The following CNOT2 variants were observed in gnomAD, a reference collection of about 807,000 sequenced individuals.
CNOT2 encodes the protein CCR4-NOT transcription complex subunit 2, also known as CC chemokine receptor 4-negative regulator of transcription 2.
Under a neutral mutation model 72.1 loss-of-function variants are expected in CNOT2, and 7 were observed. The ratio of observed to expected loss-of-function variants is 0.10; its 90% CI spans 0.06 to 0.18. The LOEUF (loss-of-function observed/expected upper bound fraction) is 0.18, where lower values mean the gene tolerates loss of function less well. Among genes scored for constraint, CNOT2 ranks in the 10% least tolerant of loss-of-function variants. The probability of loss-of-function intolerance (pLI) is 1.00; values close to 1 mark genes in which losing one functional copy is unlikely to be tolerated. For missense variants in CNOT2, 345 were observed against 660.3 expected (o/e 0.52, Z 5.23); for synonymous variants, 196 against 225.6 (o/e 0.87, Z 1.17).
At chr12:70,350,195 G>A (rs1882702293) in intron 15 of CNOT2, among the ~76,000 whole-genome samples, 3 of 152,016 alleles carry the variant, frequency 2.0e-5, no homozygotes, top group Non-Finnish European at 2.9e-5. Flanking sequence ...TTCTTCCACA[G>A]TTAATTTTTA....
chr12:70,286,946 A>C (rs1871002865), intron 2 of CNOT2, among the ~76,000 whole-genome samples: 1 of 152,066 alleles, frequency 6.6e-6, no homozygotes, highest in Non-Finnish European at 1.5e-5. Flanking sequence ...AAATTAAAAA[A>C]AAATTTTTAG....
intron 1 of CNOT2, among the ~76,000 whole-genome samples, chr12:70,256,271 T>A (rs970746927): frequency 3.3e-5 from 5 of 152,188 alleles, no homozygotes; most frequent in African/African-American, 1.2e-4. Context: ...AGTTTCAGAT[T>A]TATCAATTGG....
intron 1 of CNOT2, among the ~76,000 whole-genome samples, chr12:70,265,480 C>T (rs1021841638): frequency 6.6e-6 from 1 of 151,750 alleles, no homozygotes; most frequent in Non-Finnish European, 1.5e-5. Flanking sequence ...CTTTTAATGC[C>T]TGTGGGTTCT....
intron 2 of CNOT2, among the ~76,000 whole-genome samples, chr12:70,301,516 G>T (rs1873972012): frequency 6.6e-6 from 1 of 152,044 alleles, no homozygotes. Flanking sequence ...TTATATGCTG[G>T]ACTACGTTTA....
intron 4 of CNOT2, chr12:70,322,457 G>A (rs937062542): frequency 6.6e-6 from 1 of 151,746 alleles, no homozygotes; most frequent in African/African-American, 2.4e-5. Flanking sequence ...GTTACCAACA[G>A]GATCTAGGAC....
intron 2 of CNOT2, among the ~76,000 whole-genome samples, chr12:70,295,405 C>T (rs1312745024): frequency 6.6e-6 from 1 of 152,126 alleles, no homozygotes; most frequent in Non-Finnish European, 1.5e-5. Context: ...ATAAACACAT[C>T]TCCCTCAGCA....
intron 6 of CNOT2, 40 bp downstream of exon 6, chr12:70,330,509 G>C (rs377498955): frequency 5.6e-5 from 79 of 1,423,244 alleles, no homozygotes; most frequent in Non-Finnish European, 7.4e-5. Context: ...TGTCTTTCTG[G>C]GTATACTCAG....
chr12:70,292,897 T>C (rs922228713), intron 2 of CNOT2, among the ~76,000 whole-genome samples: 1 of 152,210 alleles, frequency 6.6e-6, no homozygotes, highest in Non-Finnish European at 1.5e-5. Context: ...CTTCCCTTGC[T>C]AAAGGAATAC....
At chr12:70,304,470 C>CTGG (rs1874816354) in intron 2 of CNOT2, among the ~76,000 whole-genome samples, 1 of 152,220 alleles carries the variant, frequency 6.6e-6, no homozygotes, top group African/African-American at 2.4e-5. Flanking sequence ...AGGTCCACTC[C>CTGG]AGACCCTGTT....
chr12:70,277,999 T>A (rs1869144940), intron 1 of CNOT2, 133 bp from the exon 2 acceptor site: 1 of 406,804 alleles, frequency 2.5e-6, no homozygotes, highest in African/African-American at 2.1e-5. Context: ...CGAAAATGGT[T>A]ACGAGGAAGA....
At chr12:70,314,453 G>T (rs537849202) in intron 3 of CNOT2, among the ~76,000 whole-genome samples, 38 of 152,136 alleles carry the variant, frequency 2.5e-4, no homozygotes, top group African/African-American at 8.7e-4. Flanking sequence ...AGTGACTGCT[G>T]TAATTAAGAC....
intron 2 of CNOT2, among the ~76,000 whole-genome samples, chr12:70,297,125 TAA>T (rs1872945877): frequency 6.6e-6 from 1 of 152,238 alleles, no homozygotes; most frequent in African/African-American, 2.4e-5. Context: ...GATTTTATAT[TAA>T]GTTTCTGCCT....
intron 1 of CNOT2, among the ~76,000 whole-genome samples, chr12:70,255,535 A>C (rs947159133): frequency 6.6e-6 from 1 of 152,164 alleles, no homozygotes; most frequent in Non-Finnish European, 1.5e-5. Context: ...CAAAGCAAGG[A>C]AAGTGAATCA....
chr12:70,303,437 G>C (rs140092379), intron 2 of CNOT2, among the ~76,000 whole-genome samples: 9,212 of 152,186 alleles, frequency 0.061, 428 homozygotes, highest in East Asian at 0.15. Context: ...CTCAGCATTT[G>C]CTTGTCTGTA....
rs544561471 is a variant in CNOT2, at chr12:70,317,701, A to G, written c.172-1597A>G. 2.1e-5 allele frequency among the ~76,000 whole-genome samples: 3 copies of G among 145,902 alleles called. No homozygotes were observed. In the East Asian group the frequency reaches 6.0e-4, roughly 29 times the overall value. On this transcript the variant is annotated intron_variant, in intron 3 of 15. Coordinates refer to ENST00000229195, the MANE Select transcript of CNOT2 (RefSeq NM_014515.7). ...TTAGAGTGGTGTATAACTCAGCCCT[A>G]CCTCAAGAGTTACTGATGTGTACCA...
chr12:70,293,807 A>AG (rs1872356611), intron 2 of CNOT2, among the ~76,000 whole-genome samples: 1 of 151,136 alleles, frequency 6.6e-6, no homozygotes, highest in African/African-American at 2.4e-5. Context: ...CAAGGAGTGG[A>AG]TAGGCACAAA....
intron 8 of CNOT2, chr12:70,336,096 A>G (rs993125996): frequency 2.0e-5 from 3 of 152,448 alleles, no homozygotes; most frequent in African/African-American, 4.8e-5. Flanking sequence ...GGCCTACAAG[A>G]TGCTAGTAGC....
intron 1 of CNOT2, among the ~76,000 whole-genome samples, chr12:70,274,184 G>T (rs1421542188): frequency 6.6e-6 from 1 of 152,102 alleles, no homozygotes; most frequent in Non-Finnish European, 1.5e-5. Flanking sequence ...CATCAACTCA[G>T]AATTTTTAAA....
At chr12:70,303,770 C>T (rs564252365) in intron 2 of CNOT2, among the ~76,000 whole-genome samples, 14 of 152,312 alleles carry the variant, frequency 9.2e-5, no homozygotes, top group Non-Finnish European at 2.1e-4. Context: ...GCCTGCCTTG[C>T]CAGACTGGGG....
Sources: gnomAD v4.1 joint callset for allele counts (sites outside exome capture counted in the v4.1 genomes callset) on GRCh38, gnomAD v4.1.1 for gene constraint, MANE v1.5 for transcripts, NCBI Gene and HGNC (gene_info 2026-07-23, HGNC 2026-07-21) for gene names.